The following LYZL1 variants were observed in gnomAD, a reference collection of about 807,000 sequenced individuals.
LYZL1 encodes the protein lysozyme like 1.
Under a neutral mutation model 17.9 loss-of-function variants are expected in LYZL1, and 16 were observed. The ratio of observed to expected loss-of-function variants is 0.90; its 90% CI spans 0.61 to 1.36. LYZL1 has a LOEUF of 1.36. LYZL1 is among the 40% of genes most tolerant of loss of function. The probability of loss-of-function intolerance (pLI) is 0.00; values close to 1 mark genes in which losing one functional copy is unlikely to be tolerated. For missense variants in LYZL1, 149 were observed against 188.4 expected (o/e 0.79, Z 1.22); for synonymous variants, 58 against 71.8 (o/e 0.81, Z 0.97).
At chr10:29,300,129 A>G (rs1260979308) in intron 3 of LYZL1, among the ~76,000 whole-genome samples, 1 of 152,122 alleles carries the variant, frequency 6.6e-6, no homozygotes, top group Non-Finnish European at 1.5e-5. Flanking sequence ...TGATTAGATC[A>G]TTTACATTTA....
chr10:29,293,433 G>C (rs191138271), intron 3 of LYZL1, among the ~76,000 whole-genome samples: 4 of 151,986 alleles, frequency 2.6e-5, no homozygotes, highest in African/African-American at 9.7e-5. Flanking sequence ...AGTATATTTA[G>C]CTAGCCACAT....
downstream of LYZL1, among the ~76,000 whole-genome samples, chr10:29,315,123 A>T (rs1262723929): frequency 6.6e-6 from 1 of 152,232 alleles, no homozygotes; most frequent in Admixed American, 6.5e-5. Context: ...GTGTCTCCAA[A>T]ATAGAAGGAA....
At chr10:29,306,969 C>T (rs1318646309) in intron 3 of LYZL1, among the ~76,000 whole-genome samples, 1 of 152,110 alleles carries the variant, frequency 6.6e-6, no homozygotes, top group Non-Finnish European at 1.5e-5. Context: ...ATTCTCCTGC[C>T]TCTGTCTTCT....
chr10:29,291,049 A>G (rs1835357176), intron 1 of LYZL1, among the ~76,000 whole-genome samples: 1 of 152,092 alleles, frequency 6.6e-6, no homozygotes, highest in South Asian at 2.1e-4. Context: ...CATCCAGTTG[A>G]TCCTTGAACA....
At chr10:29,295,424 A>C (rs1330964937) in intron 3 of LYZL1, among the ~76,000 whole-genome samples, 2 of 152,200 alleles carry the variant, frequency 1.3e-5, no homozygotes, top group African/African-American at 4.8e-5. Context: ...ATGACTTTTG[A>C]ACCCTTCTCT....
At chr10:29,315,363 T>G (rs1588666031), downstream of LYZL1, among the ~76,000 whole-genome samples, 1 of 151,818 alleles carries the variant, frequency 6.6e-6, no homozygotes, top group Non-Finnish European at 1.5e-5. Flanking sequence ...TACAAAAAAA[T>G]TAGACAGGCA....
chr10:29,292,353 C>T (rs2368435), intron 2 of LYZL1, among the ~76,000 whole-genome samples, 166 bp from the exon 3 acceptor site: 18 of 152,156 alleles, frequency 1.2e-4, no homozygotes, highest in Admixed American at 3.3e-4. Flanking sequence ...TCCCAGCCCC[C>T]GATGTGCCCC....
chr10:29,310,995 G>A lies in LYZL1; in HGVS notation c.383G>A (p.Gly128Asp). 6.2e-7 allele frequency: 1 copy of A among 1,614,182 alleles called. No homozygotes were observed. Among genetic ancestry groups the A allele is most frequent in the Non-Finnish European group, 8.5e-7 (1 of 1,180,034 alleles). Residue 128 changes from glycine (G) to aspartate (D), a missense_variant, in exon 5 of 5, where the codon GGC (glycine) becomes GAC (aspartate). By Grantham distance (94) the Gly-to-Asp change is moderately conservative (BLOSUM62 -1). Coordinates refer to ENST00000649382, the MANE Select transcript of LYZL1 (RefSeq NM_032517.6). ...TGCTTCCCTCTCATCCTCAGGCAAG[G>A]CTGGAAGAAACATTGTGAGGGCAGA... ...KETQGMNYWQ[G>D]WKKHCEGRDL...
At chr10:29,312,342 A>C (rs1472629243), downstream of LYZL1, among the ~76,000 whole-genome samples, 3 of 152,174 alleles carry the variant, frequency 2.0e-5, no homozygotes, top group Admixed American at 1.3e-4. Flanking sequence ...ATGTGGCCCA[A>C]CACAAATTTG....
At chr10:29,303,492 G>A (rs1835549228) in intron 3 of LYZL1, among the ~76,000 whole-genome samples, 1 of 152,062 alleles carries the variant, frequency 6.6e-6, no homozygotes, top group Non-Finnish European at 1.5e-5. Flanking sequence ...ACTCCATCGT[G>A]GTCATGTTGG....
At chr10:29,296,360 A>G (rs1446314927) in intron 3 of LYZL1, among the ~76,000 whole-genome samples, 1 of 152,178 alleles carries the variant, frequency 6.6e-6, no homozygotes, top group African/African-American at 2.4e-5. Flanking sequence ...AACAACAACA[A>G]CAACAAAAAG....
At chr10:29,300,612 T>C (rs113203420) in intron 3 of LYZL1, among the ~76,000 whole-genome samples, 3 of 152,300 alleles carry the variant, frequency 2.0e-5, no homozygotes, top group African/African-American at 4.8e-5. Flanking sequence ...GTGGATTTAT[T>C]TGGGGAAGTA....
chr10:29,317,863 G>A (rs1835749018), intron 4 of LYZL1, among the ~76,000 whole-genome samples: 2 of 151,742 alleles, frequency 1.3e-5, no homozygotes, highest in African/African-American at 2.4e-5. Context: ...AGGAGCGATT[G>A]AGCCTGGAAG....
chr10:29,310,036 G>C, intron 3 of LYZL1, 74 bp from the exon 4 acceptor site: 1 of 1,036,444 alleles, frequency 9.6e-7, no homozygotes, highest in Non-Finnish European at 1.4e-6. Context: ...TGAGAAAAGT[G>C]AAGTAAAGTT....
At chr10:29,299,111 G>T (rs1835483478) in intron 3 of LYZL1, among the ~76,000 whole-genome samples, 1 of 152,136 alleles carries the variant, frequency 6.6e-6, no homozygotes, top group African/African-American at 2.4e-5. Context: ...TCACAATAGG[G>T]TTCGCACTCC....
chr10:29,304,491 A>C (rs1835564218), intron 3 of LYZL1, among the ~76,000 whole-genome samples: 1 of 151,966 alleles, frequency 6.6e-6, no homozygotes, highest in South Asian at 2.1e-4. Context: ...AGACACAGAT[A>C]CTTTGAAGTA....
intron 3 of LYZL1, among the ~76,000 whole-genome samples, chr10:29,305,731 A>C (rs572111683): frequency 6.6e-6 from 1 of 152,332 alleles, no homozygotes; most frequent in South Asian, 2.1e-4. Context: ...CTGATGATAT[A>C]TTTTGTCAGT....
intron 3 of LYZL1, among the ~76,000 whole-genome samples, chr10:29,293,570 A>G (rs907984865): frequency 6.6e-6 from 1 of 152,110 alleles, no homozygotes; most frequent in Non-Finnish European, 1.5e-5. Context: ...GCTTTACCGA[A>G]CTTTCATGTG....
At chr10:29,313,691 C>T (rs1400784480), downstream of LYZL1, among the ~76,000 whole-genome samples, 1 of 152,160 alleles carries the variant, frequency 6.6e-6, no homozygotes, top group African/African-American at 2.4e-5. Context: ...TAATTAAAGC[C>T]TTCAGAAATT....
Sources: gnomAD v4.1 joint callset for allele counts (sites outside exome capture counted in the v4.1 genomes callset) on GRCh38, gnomAD v4.1.1 for gene constraint, MANE v1.5 for transcripts, NCBI Gene and HGNC (gene_info 2026-07-23, HGNC 2026-07-21) for gene names.